The following DHX8 variants were observed in gnomAD, a reference collection of about 807,000 sequenced individuals.
DHX8 encodes the protein DEAH-box helicase 8, also known as ATP-dependent RNA helicase DHX8.
Under a neutral mutation model 140.7 loss-of-function variants are expected in DHX8, and 67 were observed. That is an observed-to-expected ratio of 0.48 (90% CI 0.39 to 0.58). The LOEUF (loss-of-function observed/expected upper bound fraction) is 0.58, where lower values mean the gene tolerates loss of function less well. DHX8 is among the 20% of genes least tolerant of loss of function. DHX8 has a pLI of 0.00. For missense variants in DHX8, 887 were observed against 1,550.7 expected (o/e 0.57, Z 7.19); for synonymous variants, 533 against 553.2 (o/e 0.96, Z 0.51).
chr17:43,490,470 A>C lies in DHX8; in HGVS notation c.307+7A>C. 6.2e-7 allele frequency: 1 copy of C among 1,610,654 alleles called. No homozygotes were observed. ...AAGCCTTCCACTAGCAAAGGTAAGC[A>C]GAGCTTCCAGCTGAGCTTAGCTTCT... On this transcript the variant is annotated splice_region_variant and intron_variant, in intron 3 of 22. Transcript: ENST00000262415.
At chr17:43,484,289 T>C in intron 1 of DHX8, 104 bp downstream of exon 1, 1 of 1,328,796 alleles carries the variant, frequency 7.5e-7, no homozygotes, top group Non-Finnish European at 1.1e-6. Context: ...TATGTTCGTG[T>C]GAATCTGTCT....
At chr17:43,540,156 T>C (rs544063357) in intron 3 of DHX8, among the ~76,000 whole-genome samples, 52 of 152,140 alleles carry the variant, frequency 3.4e-4, no homozygotes, top group Non-Finnish European at 6.8e-4. Context: ...AGGACGTTGT[T>C]AAAAACACGA....
chr17:43,528,600 G>A, downstream of DHX8: 3 of 1,614,188 alleles, frequency 1.9e-6, no homozygotes, highest in Non-Finnish European at 2.5e-6. Flanking sequence ...TCTCATCCAA[G>A]TGGGACAAAG....
intron 22 of DHX8, 61 bp downstream of exon 22, chr17:43,522,287 C>T (rs1970413730): frequency 2.0e-6 from 3 of 1,524,956 alleles, no homozygotes; most frequent in Non-Finnish European, 2.7e-6. Flanking sequence ...CTGTAAATTT[C>T]CTGGTATTTT....
intron 9 of DHX8, among the ~76,000 whole-genome samples, chr17:43,497,929 A>G (rs1317778158): frequency 2.0e-5 from 3 of 152,156 alleles, no homozygotes; most frequent in African/African-American, 7.2e-5. Flanking sequence ...TTTTGGGTTA[A>G]GAATTATTCC....
intron 12 of DHX8, among the ~76,000 whole-genome samples, chr17:43,506,084 A>G (rs1163258933): frequency 6.6e-6 from 1 of 151,568 alleles, no homozygotes; most frequent in Admixed American, 6.6e-5. Flanking sequence ...GCTCACTGCA[A>G]CCTCTACCTC....
intron 17 of DHX8, among the ~76,000 whole-genome samples, chr17:43,513,970 C>A (rs1969983089): frequency 6.6e-6 from 1 of 152,004 alleles, no homozygotes. Context: ...GTCTTGGCCT[C>A]CCAAAGTGCT....
At chr17:43,496,772 T>G (rs532976470) in intron 9 of DHX8, among the ~76,000 whole-genome samples, 4 of 143,888 alleles carry the variant, frequency 2.8e-5, no homozygotes, top group Non-Finnish European at 6.2e-5. Context: ...AGAGTGAGAC[T>G]CTATCAAAAA....
At chr17:43,512,057 G>A (rs1453114088) in intron 16 of DHX8, among the ~76,000 whole-genome samples, 1 of 151,916 alleles carries the variant, frequency 6.6e-6, no homozygotes, top group Non-Finnish European at 1.5e-5. Context: ...GTGGACGTAT[G>A]TTTTCATTTC....
chr17:43,502,339 G>C (rs1969241770), intron 11 of DHX8, among the ~76,000 whole-genome samples: 1 of 152,164 alleles, frequency 6.6e-6, no homozygotes, highest in Non-Finnish European at 1.5e-5. Flanking sequence ...AATTGCTTGA[G>C]GCCAGGAGTT....
intron 16 of DHX8, 106 bp from the exon 17 acceptor site, chr17:43,513,256 G>T: frequency 7.9e-7 from 1 of 1,262,354 alleles, no homozygotes; most frequent in South Asian, 1.6e-5. Flanking sequence ...TAGAGAGAGA[G>T]ATAGCCACAT....
downstream of DHX8, among the ~76,000 whole-genome samples, chr17:43,530,904 C>T (rs1970894260): frequency 6.6e-6 from 1 of 152,098 alleles, no homozygotes; most frequent in Non-Finnish European, 1.5e-5. Flanking sequence ...AGGGTGGGCT[C>T]ATTCATGCCT....
chr17:43,516,664 A>G (rs1970127698), intron 17 of DHX8, among the ~76,000 whole-genome samples: 1 of 152,012 alleles, frequency 6.6e-6, no homozygotes, highest in African/African-American at 2.4e-5. Context: ...GCCCTGGCTG[A>G]TCTCGAACTC....
At chr17:43,495,460 G>A (rs1036472216) in intron 8 of DHX8, among the ~76,000 whole-genome samples, 2 of 151,966 alleles carry the variant, frequency 1.3e-5, no homozygotes, top group Non-Finnish European at 2.9e-5. Flanking sequence ...TTAATTTTTT[G>A]TAGAGACAGT....
At chr17:43,533,878 C>T (rs1971094437) in intron 2 of DHX8, 11 of 1,605,148 alleles carry the variant, frequency 6.9e-6, no homozygotes, top group Admixed American at 1.7e-5. Context: ...AGGCACTGCT[C>T]GCCATGGTGG....
chr17:43,491,117 A>AAT (rs541059998), intron 3 of DHX8, 48 bp from the exon 4 acceptor site: 821 of 807,534 alleles, frequency 1.0e-3, no homozygotes, highest in South Asian at 1.5e-3. Flanking sequence ...AATAATATTA[A>AAT]ATATATATCT....
chr17:43,484,674 C>T (rs1799984947), intron 1 of DHX8, among the ~76,000 whole-genome samples: 1 of 152,172 alleles, frequency 6.6e-6, no homozygotes, highest in Admixed American at 6.5e-5. Context: ...CAGGGCCTCG[C>T]TCTGTTTCCC....
At chr17:43,513,699 A>G (rs1275839814) in intron 17 of DHX8, among the ~76,000 whole-genome samples, 197 bp downstream of exon 17, 1 of 142,690 alleles carries the variant, frequency 7.0e-6, no homozygotes, top group African/African-American at 2.6e-5. Context: ...TGATCCTTGA[A>G]GTTTTTAATC....
rs1970542106 is a variant in DHX8 at position 43,524,642 on chromosome 17, C to G, written c.*795C>G. On this transcript the variant is annotated 3_prime_UTR_variant, in exon 23 of 23. Transcript: ENST00000262415. Reference sequence around the variant, plus strand: ...TAAATACAGAAGGTTTCCCCTTGCTCCCTCCACCTCCCACATTCGCAATGT... The same window carrying G: ...TAAATACAGAAGGTTTCCCCTTGCTGCCTCCACCTCCCACATTCGCAATGT... 4.1e-6 allele frequency: 4 copies of G among 985,494 alleles called. No homozygotes were observed. Among genetic ancestry groups the G allele is most frequent in the Non-Finnish European group, 4.8e-6 (4 of 829,976 alleles). 61.0% of individuals were successfully genotyped at this position (985,494 alleles called of 1,614,324 possible). A position where few individuals can be genotyped will look rare whatever the true frequency, so the allele number is the denominator to read the frequency against.
Sources: gnomAD v4.1 joint callset for allele counts (sites outside exome capture counted in the v4.1 genomes callset) on GRCh38, gnomAD v4.1.1 for gene constraint, MANE v1.5 for transcripts, NCBI Gene and HGNC (gene_info 2026-07-23, HGNC 2026-07-21) for gene names.